MANBA: variants seen among roughly 807,000 people sequenced by gnomAD.
MANBA encodes the protein mannosidase beta.
In MANBA, 83 loss-of-function variants were observed where a neutral mutation model predicts 111.1. The observed-to-expected ratio is 0.75, with a 90% CI of 0.63 to 0.90. MANBA has a LOEUF of 0.90. Among genes scored for constraint, MANBA ranks in the 40% least tolerant of loss-of-function variants. MANBA has a pLI of 0.00. For synonymous variants in MANBA, 370 were observed against 378.7 expected (o/e 0.98, Z 0.27); for missense variants, 1,036 against 1,069.0 (o/e 0.97, Z 0.43).
chr4:102,749,939 C>G (rs905699407), intron 1 of MANBA, among the ~76,000 whole-genome samples: 1 of 152,180 alleles, frequency 6.6e-6, no homozygotes, highest in African/African-American at 2.4e-5. Context: ...CTCCCATACC[C>G]TAAATACACC....
intron 7 of MANBA, among the ~76,000 whole-genome samples, chr4:102,680,220 T>C (rs1224424201): frequency 3.9e-5 from 6 of 152,236 alleles, no homozygotes; most frequent in African/African-American, 1.4e-4. Context: ...TTCACCAAAA[T>C]TTCTGTGCAC....
At chr4:102,646,850 T>A in intron 13 of MANBA, among the ~76,000 whole-genome samples, 1 of 152,140 alleles carries the variant, frequency 6.6e-6, no homozygotes, top group East Asian at 1.9e-4. Flanking sequence ...CCCATAGGGA[T>A]ATCTTTTTGG....
chr4:102,728,553 C>CA, intron 1 of MANBA: 1 of 380,204 alleles, frequency 2.6e-6, no homozygotes, highest in South Asian at 2.3e-5. Flanking sequence ...TTATTTTGGA[C>CA]CAAAAAAAAA....
chr4:102,650,506 C>A (rs571416413), intron 13 of MANBA, 31 bp downstream of exon 13: 13 of 1,576,360 alleles, frequency 8.2e-6, no homozygotes, highest in African/African-American at 6.7e-5. Context: ...ATTGCAGGAA[C>A]CTGTTCAATT....
chr4:102,661,323 T>A (rs1560755453), intron 11 of MANBA, among the ~76,000 whole-genome samples: 1 of 152,146 alleles, frequency 6.6e-6, no homozygotes. Context: ...TTTATAGCAC[T>A]TTTTTTAACT....
At position 102,634,982 on chromosome 4, in the gene MANBA, T is replaced by C. The variant is rs1418716363; in HGVS notation, c.2221A>G (p.Met741Val). 2 of 1,614,136 alleles carry C rather than the reference T, an allele frequency of 1.2e-6. No individual in the cohort carries two copies. The highest frequency in any genetic ancestry group is 2.2e-5 in the South Asian group (2 of 91,068). The change falls in exon 16 of 17, where the codon ATG becomes GTG. Residue 741 changes from methionine to valine, a missense_variant. Physicochemically the swap from Met to Val is conservative, Grantham distance 21 (BLOSUM62 1). Transcript: ENST00000647097. Reference protein sequence around the residue: ...VCSRVTERFVMKGGEAVCLYE... With the variant: ...VCSRVTERFVVKGGEAVCLYE... ...AGGCAGACAGCCTCTCCTCCTTTCATCACAAAACGTTCAGTCACACGAGAG... is the reference window on the plus strand; with the variant it reads ...AGGCAGACAGCCTCTCCTCCTTTCACCACAAAACGTTCAGTCACACGAGAG...
At chr4:102,664,652 T>G (rs1366545320) in intron 11 of MANBA, 33 bp downstream of exon 11, 1 of 1,584,536 alleles carries the variant, frequency 6.3e-7, no homozygotes, top group East Asian at 2.2e-5. Context: ...AGATACATTC[T>G]TAAATTCTAC....
chr4:102,711,093 T>C (rs1183286386), intron 5 of MANBA, among the ~76,000 whole-genome samples: 1 of 152,010 alleles, frequency 6.6e-6, no homozygotes, highest in Non-Finnish European at 1.5e-5. Flanking sequence ...AAAGCAAAGA[T>C]AACAAACATA....
At chr4:102,656,762 A>G (rs1409057877) in intron 12 of MANBA, among the ~76,000 whole-genome samples, 1 of 152,216 alleles carries the variant, frequency 6.6e-6, no homozygotes, top group Admixed American at 6.5e-5. Flanking sequence ...AAAAAAAGGA[A>G]CATACTAATA....
intron 5 of MANBA, 149 bp downstream of exon 5, chr4:102,714,289 C>A: frequency 1.3e-6 from 1 of 748,524 alleles, no homozygotes; most frequent in South Asian, 1.7e-5. Flanking sequence ...TCAGTTTGTA[C>A]CTATTTTTTA....
intron 1 of MANBA, chr4:102,729,006 T>G (rs1246301875): frequency 1.0e-6 from 1 of 963,276 alleles, no homozygotes; most frequent in African/African-American, 1.6e-5. Context: ...TTCCTGTAGG[T>G]GGCTATCTCG....
chr4:102,690,794 A>AT, intron 5 of MANBA, 23 bp from the exon 6 acceptor site: 2 of 789,500 alleles, frequency 2.5e-6, no homozygotes, highest in Non-Finnish European at 3.7e-6. Flanking sequence ...AAGAAAAAGA[A>AT]ATATATATAT....
chr4:102,650,920 T>A lies in MANBA; in HGVS notation c.1705-219A>T, dbSNP rs1730306528. Reference sequence around the variant, plus strand: ...TCACAAAACCAGGGTTTGGTACATATATCCTCCCTTCCTCCAACTAAGAAA... The same window carrying A: ...TCACAAAACCAGGGTTTGGTACATAAATCCTCCCTTCCTCCAACTAAGAAA... On this transcript the variant is annotated intron_variant, in intron 12 of 16. Transcript: ENST00000647097. 7.9e-5 allele frequency: 42 copies of A among 529,198 alleles called. 1 individual carries two copies. In the South Asian group the frequency reaches 1.0e-3, roughly 13 times the overall value. The allele number at this position is 529,198 out of a possible 1,614,324, so 32.8% of individuals were successfully genotyped here. A position where few individuals can be genotyped will look rare whatever the true frequency, so the allele number is the denominator to read the frequency against.
At chr4:102,701,903 G>C (rs1237317338) in intron 5 of MANBA, among the ~76,000 whole-genome samples, 1 of 151,472 alleles carries the variant, frequency 6.6e-6, no homozygotes, top group Non-Finnish European at 1.5e-5. Context: ...CTGAATGTTG[G>C]CCTGCCTTGC....
intron 5 of MANBA, among the ~76,000 whole-genome samples, chr4:102,707,863 T>C (rs1050208299): frequency 3.3e-5 from 5 of 152,100 alleles, no homozygotes; most frequent in South Asian, 2.1e-4. Context: ...CATAGCTATA[T>C]CAACATCAAA....
Position 102,723,962 on chromosome 4 carries a change from C to T in MANBA, c.278G>A (p.Trp93Ter). 6.3e-7 allele frequency: 1 copy of T among 1,589,670 alleles called. No homozygotes were observed. Among genetic ancestry groups the T allele is most frequent in the South Asian group, 1.1e-5 (1 of 89,824 alleles). ...CTCAAGAATCAAATTTACTTTTTGC[C>T]ATTTGCTAAAAAAAAGAAAAGATTT... is the stretch of plus-strand genomic sequence containing the variant. ...EFKIPFEISK[W>*]QKVNLILEGV... Residue 93 changes from tryptophan to a stop codon, truncating the protein, a stop_gained, in exon 3 of 17, where the codon TGG becomes TAG. Transcript: ENST00000647097. LOFTEE classifies it high-confidence loss of function.
intron 1 of MANBA, among the ~76,000 whole-genome samples, chr4:102,742,352 GAGTGGTACCACTTCCACTTCC>G (rs566684366): frequency 2.0e-3 from 310 of 152,276 alleles, no homozygotes; most frequent in African/African-American, 7.0e-3. Context: ...GGGTGATGGT[GAGTGGTACCACTTCCACTTCC>G]ATCCCTTGCT....
chr4:102,651,316 T>C (rs1166135342), intron 12 of MANBA, among the ~76,000 whole-genome samples: 1 of 152,096 alleles, frequency 6.6e-6, no homozygotes, highest in Non-Finnish European at 1.5e-5. Flanking sequence ...CAATTTTTTA[T>C]GGTTTAAGCC....
At position 102,660,543 on chromosome 4, in the gene MANBA, C is replaced by T. The variant is rs1578878618; in HGVS notation, c.1486-2643G>A. 2.0e-5 allele frequency among the ~76,000 whole-genome samples: 3 copies of T among 152,066 alleles called. No individual in the cohort carries two copies. In the East Asian group the frequency reaches 5.8e-4, roughly 29 times the overall value. On this transcript the variant is annotated intron_variant, in intron 11 of 16. Transcript: ENST00000647097. ...GATCATAGCTCACTGCAGCCTCGAC[C>T]TTCTGGGCTCAAAATAAGCCTCCCG...
Sources: gnomAD v4.1 joint callset for allele counts (sites outside exome capture counted in the v4.1 genomes callset) on GRCh38, gnomAD v4.1.1 for gene constraint, MANE v1.5 for transcripts, NCBI Gene and HGNC (gene_info 2026-07-23, HGNC 2026-07-21) for gene names.